The following DCC variants were observed in gnomAD, a reference collection of about 807,000 sequenced individuals.
DCC encodes netrin receptor DCC.
DCC carries 58 observed loss-of-function variants against 172.5 expected under a neutral mutation model. That is an observed-to-expected ratio of 0.34 (90% CI 0.27 to 0.42). DCC has a LOEUF of 0.42. Ranked by LOEUF, DCC falls within the 10% of genes least tolerant of loss-of-function variation. The pLI is 1.00. For missense variants in DCC, 1,740 were observed against 1,791.0 expected (o/e 0.97, Z 0.51); for synonymous variants, 709 against 644.5 (o/e 1.10, Z -1.52).
At chr18:53,232,400 G>A (rs2056136522) in intron 12 of DCC, among the ~76,000 whole-genome samples, 1 of 152,122 alleles carries the variant, frequency 6.6e-6, no homozygotes, top group East Asian at 1.9e-4. Context: ...CATTGATGTT[G>A]TGGGTGGTCA....
intron 15 of DCC, among the ~76,000 whole-genome samples, chr18:53,345,225 G>A (rs895403941): frequency 1.3e-5 from 2 of 151,556 alleles, no homozygotes; most frequent in Admixed American, 6.6e-5. Flanking sequence ...TTAACTCATG[G>A]TCTATACAAA....
At chr18:52,439,603 G>A (rs564991664) in intron 1 of DCC, among the ~76,000 whole-genome samples, 1 of 152,246 alleles carries the variant, frequency 6.6e-6, no homozygotes, top group East Asian at 1.9e-4. Flanking sequence ...ATGATAACGA[G>A]GTTTGTTTAA....
At chr18:52,795,885 T>A (rs185264739) in intron 2 of DCC, among the ~76,000 whole-genome samples, 5 of 152,096 alleles carry the variant, frequency 3.3e-5, no homozygotes, top group Admixed American at 6.5e-5. Flanking sequence ...TCCATGTAGT[T>A]GTACAGTTTT....
chr18:52,862,360 C>A (rs7227878), intron 2 of DCC, among the ~76,000 whole-genome samples: 3,234 of 151,808 alleles, frequency 0.021, 97 homozygotes, highest in African/African-American at 0.071. Context: ...ATAGGATCAC[C>A]GGTCACTGTA....
chr18:53,461,600 G>A (rs945742210), intron 24 of DCC, among the ~76,000 whole-genome samples: 1 of 152,124 alleles, frequency 6.6e-6, no homozygotes, highest in Non-Finnish European at 1.5e-5. Context: ...GTAGATATGT[G>A]GCTTTATTTC....
intron 1 of DCC, among the ~76,000 whole-genome samples, chr18:52,538,792 G>T (rs949544025): frequency 6.6e-6 from 1 of 151,794 alleles, no homozygotes; most frequent in Non-Finnish European, 1.5e-5. Context: ...AACCTTGATT[G>T]CAAATTCTTC....
intron 2 of DCC, among the ~76,000 whole-genome samples, chr18:52,838,865 T>C (rs1243936674): frequency 6.6e-6 from 1 of 152,040 alleles, no homozygotes; most frequent in Non-Finnish European, 1.5e-5. Context: ...GGAAATTGAG[T>C]TAGAATTTGA....
At chr18:52,648,864 C>T (rs2035068043) in intron 1 of DCC, among the ~76,000 whole-genome samples, 1 of 152,098 alleles carries the variant, frequency 6.6e-6, no homozygotes, top group Non-Finnish European at 1.5e-5. Flanking sequence ...TGCAATTTTG[C>T]CAGCGTTTCT....
rs750107759 is a variant in DCC, at chr18:52,589,914, G to T, written c.92-162140G>T. Among the ~76,000 whole-genome samples the T allele has an allele frequency of 9.9e-4, 151 of 152,282 alleles. 1 individual carries two copies. The highest frequency in any genetic ancestry group is 1.6e-3 in the Non-Finnish European group (110 of 68,030). On this transcript the variant is annotated intron_variant, in intron 1 of 28. Coordinates refer to ENST00000442544, the MANE Select transcript of DCC (RefSeq NM_005215.4). The stretch of plus-strand genomic sequence containing the variant: ...GAAAGGCTTATAAGGAGGAAAGAGA[G>T]ATTCACTGCTGAATTTTTTGTTGAT...
chr18:53,039,958 C>A (rs2042146695), intron 5 of DCC, among the ~76,000 whole-genome samples: 1 of 151,936 alleles, frequency 6.6e-6, no homozygotes, highest in Admixed American at 6.6e-5. Flanking sequence ...CAATGCCTAA[C>A]ATGTGGGTGC....
intron 9 of DCC, among the ~76,000 whole-genome samples, chr18:53,179,413 C>T (rs548008375): frequency 4.6e-5 from 7 of 152,260 alleles, no homozygotes; most frequent in African/African-American, 1.7e-4. Flanking sequence ...GTATTTTATC[C>T]TCATCATTGA....
chr18:53,235,765 A>G (rs972627274), intron 12 of DCC, among the ~76,000 whole-genome samples: 11 of 152,108 alleles, frequency 7.2e-5, no homozygotes, highest in African/African-American at 2.7e-4. Flanking sequence ...CACCTCTTTA[A>G]CAATACATCG....
intron 9 of DCC, among the ~76,000 whole-genome samples, chr18:53,185,806 A>G (rs2055272457): frequency 6.6e-6 from 1 of 152,208 alleles, no homozygotes; most frequent in East Asian, 1.9e-4. Flanking sequence ...GCTTTCACAG[A>G]TTTCATCTCC....
At chr18:52,524,907 G>C (rs964427891) in intron 1 of DCC, among the ~76,000 whole-genome samples, 33 of 151,732 alleles carry the variant, frequency 2.2e-4, no homozygotes, top group African/African-American at 6.5e-4. Flanking sequence ...TTTATTTTTG[G>C]TCATAGAAGG....
intron 7 of DCC, among the ~76,000 whole-genome samples, chr18:53,074,076 T>C (rs2042691494): frequency 6.6e-6 from 1 of 152,130 alleles, no homozygotes; most frequent in Non-Finnish European, 1.5e-5. Context: ...CAACTACGTA[T>C]GAGAGATTGA....
At chr18:52,926,475 TTTAA>T (rs2040203656) in intron 5 of DCC, among the ~76,000 whole-genome samples, 1 of 151,768 alleles carries the variant, frequency 6.6e-6, no homozygotes, top group Middle Eastern at 3.2e-3. Context: ...AATGGCACAG[TTTAA>T]TTGAGTCATA....
chr18:52,764,882 A>G (rs2037218831), intron 2 of DCC, among the ~76,000 whole-genome samples: 1 of 152,210 alleles, frequency 6.6e-6, no homozygotes. Flanking sequence ...GTCCAAAATA[A>G]CAATTTTTCA....
intron 1 of DCC, among the ~76,000 whole-genome samples, chr18:52,581,157 C>T (rs904596899): frequency 1.5e-5 from 1 of 66,096 alleles, no homozygotes; most frequent in African/African-American, 4.9e-5. Context: ...TAGTTATACA[C>T]ACACAAACAT....
At chr18:52,925,821 G>A (rs1227326714) in intron 5 of DCC, among the ~76,000 whole-genome samples, 1 of 151,626 alleles carries the variant, frequency 6.6e-6, no homozygotes, top group East Asian at 1.9e-4. Context: ...TACTGTGAGT[G>A]TTGAAAGTGA....
Sources: allele counts gnomAD v4.1 joint callset (sites outside exome capture counted in the v4.1 genomes callset), GRCh38; gene constraint gnomAD v4.1.1; transcripts MANE v1.5; gene names NCBI Gene and HGNC (gene_info 2026-07-23, HGNC 2026-07-21).